Variants in MRPS22 observed in about 807,000 individuals in gnomAD.
The protein encoded by MRPS22 is mitochondrial ribosomal protein S22.
In MRPS22, 30 loss-of-function variants were observed where a neutral mutation model predicts 44.0. That is an observed-to-expected ratio of 0.68 (90% CI 0.51 to 0.93). The LOEUF is 0.93. MRPS22 is among the 40% of genes least tolerant of loss of function. MRPS22 has a pLI of 0.00. For synonymous variants in MRPS22, 165 were observed against 154.4 expected, an observed-to-expected ratio of 1.07 and a Z score of -0.51; for missense variants, 447 against 447.8, an observed-to-expected ratio of 1.00 and a Z score of 0.02.
intron 6 of MRPS22, among the ~76,000 whole-genome samples, chr3:139,353,390 ATCTT>A (rs1941186590): frequency 6.6e-6 from 1 of 152,240 alleles, no homozygotes; most frequent in Non-Finnish European, 1.5e-5. Context: ...GTTTTTGAGC[ATCTT>A]TCTATCAGTT....
intron 5 of MRPS22, chr3:139,352,318 C>G (rs1036314493): frequency 3.6e-6 from 1 of 278,774 alleles, no homozygotes; most frequent in Non-Finnish European, 6.9e-6. Context: ...CTGTGGCCTG[C>G]CATGCCCAGC....
intron 3 of MRPS22, chr3:139,349,426 A>AT (rs1941106467): frequency 2.5e-6 from 1 of 398,848 alleles, no homozygotes; most frequent in Non-Finnish European, 4.9e-6. Flanking sequence ...TAATTTATAC[A>AT]TTAATCAGGT....
rs1425564875 is a variant in MRPS22, at chr3:139,344,207, C to T, written c.172+9C>T. 3 of 1,600,668 alleles carry T rather than the reference C, an allele frequency of 1.9e-6. No individual in the cohort carries two copies. Among genetic ancestry groups the T allele is most frequent in the South Asian group, 1.1e-5 (1 of 89,176 alleles). On this transcript the variant is annotated intron_variant, in intron 1 of 7. Transcript: ENST00000680020. ...GTTCAGCTCCGAGGCCGGTAAGTGA[C>T]CTTCCGGACTTTCGCTGGGGCGTTC...
chr3:139,348,252 A>C lies in MRPS22; in HGVS notation c.432A>C (p.Glu144Asp), dbSNP rs1941083171. ...ERVPINDVLA[E>D]DKILEGTETT... Reference sequence around the variant, plus strand: ...TACCAATAAATGATGTGTTAGCTGAAGATAAGATTTTGGAAGGAACAGAAA... The same window carrying C: ...TACCAATAAATGATGTGTTAGCTGACGATAAGATTTTGGAAGGAACAGAAA... Residue 144 changes from glutamate (E) to aspartate (D), a missense_variant, in exon 3 of 8, where the codon GAA becomes GAC. Transcript: ENST00000680020. 6.2e-7 allele frequency: 1 copy of C among 1,614,180 alleles called. No individual in the cohort carries two copies. The highest frequency in any genetic ancestry group is 1.3e-5 in the African/African-American group (1 of 75,062).
In MRPS22 at chr3:139,350,991, G is replaced by C; in HGVS notation, c.663G>C (p.Gln221His). ...KEENLRTMYSQDRHVDVLNLC... is the reference protein window; with the variant it reads ...KEENLRTMYSHDRHVDVLNLC... ...TGTGGTTTTAGACTATGTATAGCCA[G>C]GACAGGCATGTTGATGTCCTCAATC... The change falls in exon 5 of 8, where the codon CAG becomes CAC. Residue 221 changes from glutamine (Q) to histidine (H), a missense_variant. Coordinates refer to ENST00000680020, the MANE Select transcript of MRPS22 (RefSeq NM_020191.4). 8 of 1,614,108 alleles carry C rather than the reference G, an allele frequency of 5.0e-6. No homozygotes were observed. Among genetic ancestry groups the C allele is most frequent in the Middle Eastern group, 1.7e-4 (1 of 6,060 alleles).
In MRPS22 at chr3:139,350,201, AACCAAGTGGC is replaced by A; in HGVS notation, c.530_539del (p.Pro177HisfsTer13). ...TAGGAGCGTTTTATTGTCGTCAGAGAACCAAGTGGCACACTACGCAAAGCCTCTTGGGAAG... is the reference window on the plus strand; with the variant it reads ...TAGGAGCGTTTTATTGTCGTCAGAGAACACTACGCAAAGCCTCTTGGGAAG... On this transcript the variant is annotated frameshift_variant, in exon 4 of 8. Coordinates refer to ENST00000680020, the MANE Select transcript of MRPS22 (RefSeq NM_020191.4). LOFTEE classifies it high-confidence loss of function. 1 of 1,614,198 alleles carries A rather than the reference AACCAAGTGGC, an allele frequency of 6.2e-7. No individual in the cohort carries two copies. Among genetic ancestry groups the A allele is most frequent in the South Asian group, 1.1e-5 (1 of 91,090 alleles).
At position 139,350,878 on chromosome 3, in the gene MRPS22, G is replaced by T. The variant is rs1941137868; in HGVS notation, c.649-99G>T. On this transcript the variant is annotated intron_variant, in intron 4 of 7. Coordinates refer to ENST00000680020, the MANE Select transcript of MRPS22 (RefSeq NM_020191.4). ...TTCTTTATGCTTCTTGAGGAGCACA[G>T]AGTGGCCAGTATGTGGGTGGGCAGG... 3 of 861,300 alleles carry T rather than the reference G, an allele frequency of 3.5e-6. No individual in the cohort carries two copies. The South Asian group carries it at 4.0e-5, about 11-fold the overall frequency. 53.4% of individuals were successfully genotyped at this position (861,300 alleles called of 1,614,324 possible). A position where few individuals can be genotyped will look rare whatever the true frequency, so the allele number is the denominator to read the frequency against.
Position 139,354,274 on chromosome 3 carries a change from G to A in MRPS22, c.879-1408G>A, listed in dbSNP as rs143193343. Among the ~76,000 whole-genome samples, 4 of 152,230 alleles carry A rather than the reference G, an allele frequency of 2.6e-5. No homozygotes were observed. In the East Asian group the frequency reaches 7.7e-4, roughly 29 times the overall value. On this transcript the variant is annotated intron_variant, in intron 6 of 7. Transcript: ENST00000680020. ...ATTGAGATTATTTTAAAATCTTTTC[G>A]AAATATAATTTATTTGCTCTTTAAG...
At chr3:139,356,449 A>G (rs1011672659) in intron 7 of MRPS22, among the ~76,000 whole-genome samples, 1 of 152,238 alleles carries the variant, frequency 6.6e-6, no homozygotes, top group Non-Finnish European at 1.5e-5. Flanking sequence ...TACTGTTTGC[A>G]TGCTGCAAAG....
chr3:139,354,700 C>T (rs1193783428), intron 6 of MRPS22, among the ~76,000 whole-genome samples: 1 of 152,188 alleles, frequency 6.6e-6, no homozygotes, highest in Non-Finnish European at 1.5e-5. Flanking sequence ...CCCTGCTCTT[C>T]ATCCCCCAGC....
chr3:139,355,791 G>T lies in MRPS22; in HGVS notation c.987+1G>T. On this transcript the variant is annotated splice_donor_variant, in intron 7 of 7. Transcript: ENST00000680020. LOFTEE classifies it high-confidence loss of function. ...TGCTGAGGGAATAAATTTAATCAAGGTAAAGTTTTTTTTTCATATTGGTTG... is the reference window on the plus strand; with the variant it reads ...TGCTGAGGGAATAAATTTAATCAAGTTAAAGTTTTTTTTTCATATTGGTTG... 2 of 1,612,236 alleles carry T rather than the reference G, an allele frequency of 1.2e-6. No homozygotes were observed. The highest frequency in any genetic ancestry group is 1.7e-6 in the Non-Finnish European group (2 of 1,178,360).
intron 6 of MRPS22, among the ~76,000 whole-genome samples, chr3:139,353,630 T>G (rs973567767): frequency 2.0e-5 from 3 of 152,242 alleles, no homozygotes; most frequent in African/African-American, 7.2e-5. Context: ...GAACTTATTT[T>G]CAGAATAAAA....
chr3:139,354,984 C>T (rs1051923147), intron 6 of MRPS22, among the ~76,000 whole-genome samples: 1 of 152,184 alleles, frequency 6.6e-6, no homozygotes, highest in Non-Finnish European at 1.5e-5. Flanking sequence ...TTATACATTT[C>T]TGAGAAGTAC....
In MRPS22 at chr3:139,352,726, T is replaced by C; in HGVS notation, c.812T>C (p.Met271Thr). The change falls in exon 6 of 8, where the codon ATG becomes ACG. Residue 271 changes from methionine (M) to threonine (T), a missense_variant. Met to Thr is a moderately conservative substitution (Grantham distance 81). Coordinates refer to ENST00000680020, the MANE Select transcript of MRPS22 (RefSeq NM_020191.4). ...LLRSTRYFGG[M>T]VWYFVNNKKI... ...CGTTCAACAAGATACTTTGGTGGAA[T>C]GGTGTGGTATTTTGTAAATAATAAA... 6.2e-7 allele frequency: 1 copy of C among 1,613,526 alleles called. No individual in the cohort carries two copies. The highest frequency in any genetic ancestry group is 8.5e-7 in the Non-Finnish European group (1 of 1,179,496).
intron 4 of MRPS22, chr3:139,350,675 C>G (rs397875589): frequency 8.7e-6 from 3 of 344,384 alleles, no homozygotes; most frequent in Non-Finnish European, 1.6e-5. Context: ...ATTCGCACCC[C>G]CCCCCCGCAA....
chr3:139,352,641 G>C lies in MRPS22; in HGVS notation c.733-6G>C, dbSNP rs1334497754. 3 of 1,611,820 alleles carry C rather than the reference G, an allele frequency of 1.9e-6. No homozygotes were observed. The highest frequency in any genetic ancestry group is 1.1e-5 in the South Asian group (1 of 90,998). On this transcript the variant is annotated splice_region_variant and splice_polypyrimidine_tract_variant and intron_variant, in intron 5 of 7. Transcript: ENST00000680020. ...GTTTCTGAAGAGTTGCATTTTATGT[G>C]GATAGGTTCATCACAAGACCTATGA...
chr3:139,355,896 G>C, intron 7 of MRPS22, 106 bp downstream of exon 7: 1 of 803,628 alleles, frequency 1.2e-6, no homozygotes, highest in Non-Finnish European at 2.1e-6. Flanking sequence ...GTGAATATGG[G>C]ACATCTGTGG....
chr3:139,345,505 G>A (rs1421177899), intron 1 of MRPS22, among the ~76,000 whole-genome samples: 1 of 135,204 alleles, frequency 7.4e-6, no homozygotes, highest in African/African-American at 2.8e-5. Context: ...CTCATGGGTT[G>A]TTGTGAGTAT....
intron 7 of MRPS22, among the ~76,000 whole-genome samples, chr3:139,356,644 C>T (rs1044760771): frequency 1.3e-5 from 2 of 152,072 alleles, no homozygotes; most frequent in African/African-American, 2.4e-5. Flanking sequence ...GTTTTGATCT[C>T]GAAGGAAGTA....
Sources: allele counts gnomAD v4.1 joint callset (sites outside exome capture counted in the v4.1 genomes callset), GRCh38; gene constraint gnomAD v4.1.1; transcripts MANE v1.5; gene names NCBI Gene and HGNC (gene_info 2026-07-23, HGNC 2026-07-21).